ACACA: variants seen among roughly 807,000 people sequenced by gnomAD.
ACACA encodes acetyl-CoA carboxylase alpha, also known as acetyl-CoA carboxylase 1.
Under a neutral mutation model 296.1 loss-of-function variants are expected in ACACA, and 103 were observed. That is an observed-to-expected ratio of 0.35 (90% CI 0.30 to 0.41). The LOEUF is 0.41. Among genes scored for constraint, ACACA ranks in the 10% least tolerant of loss-of-function variants. The pLI, the probability that ACACA is intolerant of heterozygous loss-of-function variation, is 1.00. For missense variants in ACACA, 1,554 were observed against 2,989.7 expected, an observed-to-expected ratio of 0.52 and a Z score of 11.20; for synonymous variants, 953 against 1,038.6, an observed-to-expected ratio of 0.92 and a Z score of 1.58.
chr17:37,366,265 C>G (rs2049596614), intron 1 of ACACA, among the ~76,000 whole-genome samples: 1 of 152,136 alleles, frequency 6.6e-6, no homozygotes, highest in African/African-American at 2.4e-5. Context: ...ATTTAGGCCT[C>G]TACCTGTCTT....
Position 37,207,672 on chromosome 17 carries a change from A to G in ACACA, c.3836T>C (p.Phe1279Ser), listed in dbSNP as rs2078568013. Reference sequence around the variant, plus strand: ...AATGTCTTACCTGACAAAATCTTCAAAAGTCCGAAAAGAGACCATTCCGCC... The same window carrying G: ...AATGTCTTACCTGACAAAATCTTCAGAAGTCCGAAAAGAGACCATTCCGCC... ...RMGGMVSFRT[F>S]EDFVRIFDEV... The change falls in exon 31 of 56, where the codon TTT (phenylalanine) becomes TCT (serine). Residue 1279 changes from phenylalanine to serine, a missense_variant. Coordinates refer to ENST00000616317, the MANE Select transcript of ACACA (RefSeq NM_198834.3). 6.2e-7 allele frequency: 1 copy of G among 1,614,012 alleles called. No individual in the cohort carries two copies. Among genetic ancestry groups the G allele is most frequent in the Non-Finnish European group, 8.5e-7 (1 of 1,179,912 alleles).
At chr17:37,374,289 CTT>C (rs754001129) in intron 1 of ACACA, among the ~76,000 whole-genome samples, 12 of 140,062 alleles carry the variant, frequency 8.6e-5, no homozygotes, top group Non-Finnish European at 1.1e-4. Flanking sequence ...TTTTTCTTTT[CTT>C]TTTTTTTTTT....
Position 37,248,094 on chromosome 17 carries a change from A to T in ACACA, c.2226T>A (p.Asp742Glu). 6.2e-7 allele frequency: 1 copy of T among 1,614,170 alleles called. No homozygotes were observed. The highest frequency in any genetic ancestry group is 8.5e-7 in the Non-Finnish European group (1 of 1,180,014). ...VIMNGSCVEV[D>E]VHRLSDGGLL... ...GTCCACCGTCACTCAGCCGATGTACATCTACTTCTACACATGAGCCATTCA... is the reference window on the plus strand; with the variant it reads ...GTCCACCGTCACTCAGCCGATGTACTTCTACTTCTACACATGAGCCATTCA... Residue 742 changes from aspartate (D) to glutamate (E), a missense_variant, in exon 18 of 56, where the codon GAT becomes GAA. This residue lies in a region of ACACA where 316 missense variants were observed against 540.9 expected (regional missense o/e 0.58). Coordinates refer to ENST00000616317, the MANE Select transcript of ACACA (RefSeq NM_198834.3).
chr17:37,226,504 T>C, intron 25 of ACACA, 52 bp from the exon 26 acceptor site: 2 of 1,436,676 alleles, frequency 1.4e-6, no homozygotes, highest in Middle Eastern at 1.8e-4. Flanking sequence ...AAAGAACAGG[T>C]GGATAGGATT....
At chr17:37,331,367 C>T (rs1319021978) in intron 2 of ACACA, among the ~76,000 whole-genome samples, 1 of 151,286 alleles carries the variant, frequency 6.6e-6, no homozygotes, top group Admixed American at 6.6e-5. Flanking sequence ...CTCAGCCTCC[C>T]AAAGTGCTGG....
intron 8 of ACACA, chr17:37,274,651 G>A: frequency 1.0e-6 from 1 of 985,400 alleles, no homozygotes; most frequent in South Asian, 4.7e-5. Context: ...GCCTGCTCCA[G>A]GGCCAAGAGG....
intron 3 of ACACA, among the ~76,000 whole-genome samples, chr17:37,308,693 G>A (rs545920086): frequency 7.6e-4 from 115 of 151,978 alleles, no homozygotes; most frequent in Non-Finnish European, 1.5e-3. Context: ...ATCCCAGCAC[G>A]TTGGAAGGCC....
chr17:37,154,465 A>G (rs1164587149), intron 43 of ACACA, among the ~76,000 whole-genome samples: 1 of 152,018 alleles, frequency 6.6e-6, no homozygotes, highest in Non-Finnish European at 1.5e-5. Flanking sequence ...AAAAGAGTAA[A>G]TTTTCAGTAA....
chr17:37,379,899 A>G (rs373332229), intron 1 of ACACA, among the ~76,000 whole-genome samples: 2,987 of 148,372 alleles, frequency 0.02, 37 homozygotes, highest in Middle Eastern at 0.045. Context: ...TAGAAATACC[A>G]TTTGACCCAG....
intron 29 of ACACA, among the ~76,000 whole-genome samples, chr17:37,221,200 T>C (rs2079271902): frequency 6.6e-6 from 1 of 152,228 alleles, no homozygotes; most frequent in Non-Finnish European, 1.5e-5. Flanking sequence ...CAGTAATTTA[T>C]TTGAGATTAA....
intron 1 of ACACA, among the ~76,000 whole-genome samples, chr17:37,356,402 G>A (rs1447585337): frequency 1.3e-5 from 2 of 151,352 alleles, no homozygotes; most frequent in African/African-American, 2.4e-5. Context: ...TTTTTGAGAC[G>A]GAGTCTCACT....
At chr17:37,405,709 C>A (rs907627281) in intron 1 of ACACA, among the ~76,000 whole-genome samples, 49 of 152,058 alleles carry the variant, frequency 3.2e-4, no homozygotes, top group Admixed American at 4.6e-4. Flanking sequence ...CCTGCCACCA[C>A]ACCCGCGTAA....
intron 39 of ACACA, among the ~76,000 whole-genome samples, chr17:37,183,944 C>G (rs778112179): frequency 1.9e-4 from 28 of 150,198 alleles, no homozygotes; most frequent in Non-Finnish European, 1.8e-4. Context: ...CCTCTGCCTC[C>G]TGGGTTCAAG....
intron 48 of ACACA, among the ~76,000 whole-genome samples, chr17:37,124,341 C>T (rs578100502): frequency 1.3e-5 from 2 of 152,346 alleles, no homozygotes; most frequent in South Asian, 2.1e-4. Context: ...GGTCGCAAAG[C>T]AATCCCTATT....
chr17:37,245,221 T>A lies in ACACA; in HGVS notation c.2461-7A>T. 2 of 1,613,494 alleles carry A rather than the reference T, an allele frequency of 1.2e-6. No homozygotes were observed. The highest frequency in any genetic ancestry group is 1.1e-5 in the South Asian group (1 of 91,056). Reference sequence around the variant, plus strand: ...TCATTACCATCTTCATTACCTATAGTGAAAAATAAACTAGACTCAGATTTA... The same window carrying A: ...TCATTACCATCTTCATTACCTATAGAGAAAAATAAACTAGACTCAGATTTA... On this transcript the variant is annotated splice_polypyrimidine_tract_variant and splice_region_variant and intron_variant, in intron 19 of 55. Coordinates refer to ENST00000616317, the MANE Select transcript of ACACA (RefSeq NM_198834.3).
At chr17:37,345,988 G>A (rs1444709795) in intron 1 of ACACA, among the ~76,000 whole-genome samples, 2 of 152,102 alleles carry the variant, frequency 1.3e-5, no homozygotes, top group African/African-American at 4.8e-5. Context: ...TTAGGCAGGA[G>A]GATCACTTGA....
chr17:37,256,664 C>T (rs2081242271), intron 14 of ACACA, among the ~76,000 whole-genome samples: 3 of 152,126 alleles, frequency 2.0e-5, no homozygotes, highest in East Asian at 1.9e-4. Context: ...CCCAGGAGGT[C>T]GAGGTTTCAG....
At chr17:37,184,239 A>G (rs946331442) in intron 39 of ACACA, among the ~76,000 whole-genome samples, 1 of 152,190 alleles carries the variant, frequency 6.6e-6, no homozygotes, top group Non-Finnish European at 1.5e-5. Flanking sequence ...TATCATCACA[A>G]GCATGTGGTC....
chr17:37,157,315 GA>G (rs763398609), intron 42 of ACACA, among the ~76,000 whole-genome samples: 9 of 152,184 alleles, frequency 5.9e-5, no homozygotes, highest in Non-Finnish European at 1.0e-4. Flanking sequence ...GCAGGTTTAA[GA>G]AAGCAGAGTC....
Sources: gnomAD v4.1 joint callset for allele counts (sites outside exome capture counted in the v4.1 genomes callset) on GRCh38, gnomAD v4.1.1 for gene constraint, gnomAD v4.1.1 regional missense constraint, MANE v1.5 for transcripts, NCBI Gene and HGNC (gene_info 2026-07-23, HGNC 2026-07-21) for gene names.